The following PPFIBP1 variants were observed in gnomAD, a reference collection of about 807,000 sequenced individuals.
PPFIBP1 encodes PPFIB scaffold protein 1.
In PPFIBP1, 112 loss-of-function variants were observed where a neutral mutation model predicts 137.8. The ratio of observed to expected loss-of-function variants is 0.81; its 90% CI spans 0.70 to 0.95. The LOEUF (loss-of-function observed/expected upper bound fraction) is 0.95. PPFIBP1 is among the 40% of genes least tolerant of loss of function. The pLI, the probability that PPFIBP1 is intolerant of heterozygous loss-of-function variation, is 0.00. For missense variants in PPFIBP1, 1,083 were observed against 1,196.6 expected, an observed-to-expected ratio of 0.91 and a Z score of 1.40; for synonymous variants, 378 against 417.3, an observed-to-expected ratio of 0.91 and a Z score of 1.15.
intron 2 of PPFIBP1, among the ~76,000 whole-genome samples, chr12:27,628,107 A>G (rs11049075): frequency 0.32 from 48,527 of 152,008 alleles, 8,356 homozygotes; most frequent in Middle Eastern, 0.39. Flanking sequence ...AGAAGCATAT[A>G]TTAGCCACTT....
intron 9 of PPFIBP1, chr12:27,657,056 C>T (rs1260793534): frequency 1.0e-5 from 2 of 198,552 alleles, no homozygotes; most frequent in Admixed American, 1.2e-4. Flanking sequence ...AAGAACCATC[C>T]CTGTGTCCCG....
intron 1 of PPFIBP1, among the ~76,000 whole-genome samples, chr12:27,557,790 G>T (rs549729873): frequency 6.6e-6 from 1 of 152,264 alleles, no homozygotes; most frequent in African/African-American, 2.4e-5. Context: ...TCCCTATAGG[G>T]GTTTTATATG....
At chr12:27,529,149 A>G (rs893109706) in intron 1 of PPFIBP1, among the ~76,000 whole-genome samples, 1 of 152,228 alleles carries the variant, frequency 6.6e-6, no homozygotes, top group South Asian at 2.1e-4. Context: ...TGGATCATGT[A>G]GGAGGAAGAT....
At chr12:27,676,335 G>T in intron 17 of PPFIBP1, 93 bp from the exon 18 acceptor site, 1 of 964,280 alleles carries the variant, frequency 1.0e-6, no homozygotes, top group South Asian at 4.0e-5. Context: ...ATAAACTCAT[G>T]GATGTGGCGT....
chr12:27,678,249 G>A (rs960664293), intron 19 of PPFIBP1, among the ~76,000 whole-genome samples: 2 of 152,124 alleles, frequency 1.3e-5, no homozygotes, highest in Non-Finnish European at 1.5e-5. Context: ...GTCCACTAAG[G>A]GACAGCTAAA....
intron 2 of PPFIBP1, among the ~76,000 whole-genome samples, chr12:27,626,240 C>T (rs1478312420): frequency 6.6e-6 from 1 of 152,128 alleles, no homozygotes; most frequent in Admixed American, 6.5e-5. Flanking sequence ...ATGTTGCACG[C>T]ATAAGTACCT....
intron 17 of PPFIBP1, among the ~76,000 whole-genome samples, chr12:27,674,989 TC>T (rs1287774149): frequency 1.2e-4 from 15 of 130,116 alleles, no homozygotes; most frequent in South Asian, 2.4e-4. Flanking sequence ...TTTTTTTTTT[TC>T]GTTTGTTTTT....
intron 2 of PPFIBP1, among the ~76,000 whole-genome samples, chr12:27,615,036 C>A (rs923598393): frequency 6.6e-6 from 1 of 152,146 alleles, no homozygotes; most frequent in African/African-American, 2.4e-5. Flanking sequence ...ATAGGAGATC[C>A]AGCCACAGAA....
intron 13 of PPFIBP1, among the ~76,000 whole-genome samples, chr12:27,670,987 T>C (rs1160636098): frequency 6.6e-6 from 1 of 151,870 alleles, no homozygotes; most frequent in African/African-American, 2.4e-5. Context: ...CAACATTTCA[T>C]CCAGGGCTTA....
intron 1 of PPFIBP1, among the ~76,000 whole-genome samples, chr12:27,568,776 T>A (rs116250264): frequency 1.2e-4 from 19 of 152,380 alleles, no homozygotes; most frequent in African/African-American, 4.6e-4. Flanking sequence ...TTTAAACAGA[T>A]GAAGTTCAAC....
intron 4 of PPFIBP1, among the ~76,000 whole-genome samples, chr12:27,645,091 C>T (rs2058380417): frequency 1.3e-5 from 2 of 152,152 alleles, no homozygotes; most frequent in South Asian, 2.1e-4. Context: ...TTTTCTGGTT[C>T]TAAATCTGAA....
intron 2 of PPFIBP1, among the ~76,000 whole-genome samples, chr12:27,628,238 T>C (rs1156456857): frequency 6.6e-6 from 1 of 152,180 alleles, no homozygotes; most frequent in Non-Finnish European, 1.5e-5. Context: ...TAGAGTGCAG[T>C]GGCACAATCA....
At chr12:27,638,118 A>T (rs1292864864) in intron 4 of PPFIBP1, among the ~76,000 whole-genome samples, 1 of 152,180 alleles carries the variant, frequency 6.6e-6, no homozygotes, top group African/African-American at 2.4e-5. Flanking sequence ...AGATGAAAAG[A>T]GTTAATTAGA....
At chr12:27,687,598 C>T (rs532239257) in intron 25 of PPFIBP1, 91 bp downstream of exon 25, 2 of 1,429,890 alleles carry the variant, frequency 1.4e-6, no homozygotes, top group African/African-American at 2.9e-5. Flanking sequence ...TTCTTGGAGC[C>T]TGCAGGAAAA....
intron 2 of PPFIBP1, among the ~76,000 whole-genome samples, chr12:27,605,171 G>A (rs1195672845): frequency 6.6e-6 from 1 of 152,178 alleles, no homozygotes; most frequent in Non-Finnish European, 1.5e-5. Context: ...TAACGAAAAT[G>A]ACATTGGTTA....
rs2061687438 is a variant in PPFIBP1, at chr12:27,694,456, C to G, written c.*1574C>G. 6.6e-6 allele frequency: 1 copy of G among 152,230 alleles called. No homozygotes were observed. The highest frequency in any genetic ancestry group is 1.5e-5 in the Non-Finnish European group (1 of 68,038). The allele number at this position is 152,230 out of a possible 1,614,324, so 9.4% of individuals were successfully genotyped here. On this transcript the variant is annotated 3_prime_UTR_variant, in exon 30 of 30. Coordinates refer to ENST00000228425, the MANE Select transcript of PPFIBP1 (RefSeq NM_003622.4). ...TTAACTGTGTCATTACAGCAAAATA[C>G]TAGCAGTCTGCCTAAACATGTTCAT...
chr12:27,642,274 T>C (rs114080568), intron 4 of PPFIBP1, among the ~76,000 whole-genome samples: 138 of 152,366 alleles, frequency 9.1e-4, no homozygotes, highest in African/African-American at 2.7e-3. Flanking sequence ...GATACTGTAC[T>C]GTTGAAGTCC....
At chr12:27,691,158 A>C (rs1226832924) in intron 27 of PPFIBP1, among the ~76,000 whole-genome samples, 1 of 149,732 alleles carries the variant, frequency 6.7e-6, no homozygotes, top group Non-Finnish European at 1.5e-5. Flanking sequence ...CATACAAGAT[A>C]ATTATAGCCT....
At chr12:27,564,419 G>A (rs756455676) in intron 1 of PPFIBP1, among the ~76,000 whole-genome samples, 111 of 152,124 alleles carry the variant, frequency 7.3e-4, no homozygotes, top group Non-Finnish European at 1.1e-3. Context: ...AAAATTCTCT[G>A]AGCCCTTTTC....
Sources: allele counts gnomAD v4.1 joint callset (sites outside exome capture counted in the v4.1 genomes callset), GRCh38; gene constraint gnomAD v4.1.1; transcripts MANE v1.5; gene names NCBI Gene and HGNC (gene_info 2026-07-23, HGNC 2026-07-21).